The following SLFN12L variants were observed in gnomAD, a reference collection of about 807,000 sequenced individuals.
SLFN12L encodes schlafen family member 12 like.
A neutral mutation model predicts 34.8 loss-of-function variants in SLFN12L; 34 were observed. The observed-to-expected ratio is 0.98, with a 90% CI of 0.74 to 1.30. The LOEUF (loss-of-function observed/expected upper bound fraction) is 1.30, where lower values mean the gene tolerates loss of function less well. Ranked by LOEUF, SLFN12L falls within the 50% of genes most tolerant of loss-of-function variation. The pLI is 0.00. For synonymous variants in SLFN12L, 259 were observed against 247.5 expected (o/e 1.05, Z -0.44); for missense variants, 703 against 696.2 (o/e 1.01, Z -0.11).
At position 35,501,620 on chromosome 17, in the gene SLFN12L, A is replaced by G. The variant is rs778394139; in HGVS notation, c.86+20659T>C. Among the ~76,000 whole-genome samples the G allele has an allele frequency of 2.0e-5, 3 of 152,314 alleles. No homozygotes were observed. The South Asian group carries it at 6.2e-4, about 32-fold the overall frequency. ...GTGTGGTGTTTTGTCTCAAGGAAGC[A>G]TGGGTCAGGCACAAAGTAAGCCCAC... On this transcript the variant is annotated intron_variant, in intron 2 of 4. Coordinates refer to ENST00000628453, the MANE Select transcript of SLFN12L (RefSeq NM_001363830.2).
chr17:35,468,971 A>C lies in SLFN12L; in HGVS notation c.*5952T>G, dbSNP rs1913757363. 6.6e-6 allele frequency among the ~76,000 whole-genome samples: 1 copy of C among 152,092 alleles called. No individual in the cohort carries two copies. Among genetic ancestry groups the C allele is most frequent in the Non-Finnish European group, 1.5e-5 (1 of 68,010 alleles). On this transcript the variant is annotated 3_prime_UTR_variant, in exon 5 of 5. Transcript: ENST00000628453. ...GTCAAGGCTGTAATGAGCTATGACC[A>C]CACCACTGCACTCCAGCCTCGGTGA...
chr17:35,511,666 T>C lies in SLFN12L; in HGVS notation c.86+10613A>G, dbSNP rs1484143570. Among the ~76,000 whole-genome samples the C allele has an allele frequency of 2.6e-5, 4 of 152,074 alleles. 1 individual carries two copies. In the South Asian group the frequency reaches 8.3e-4, roughly 32 times the overall value. On this transcript the variant is annotated intron_variant, in intron 2 of 4. Transcript: ENST00000628453. ...CAGGAGGCTGAGGTGGAAGGATCCC[T>C]TGAGCCCAAGTATTTGACGTGGCAG...
At position 35,468,546 on chromosome 17, in the gene SLFN12L, G is replaced by A. The variant is rs945459537; in HGVS notation, c.*6377C>T. Among the ~76,000 whole-genome samples the A allele has an allele frequency of 7.2e-5, 11 of 152,106 alleles. No individual in the cohort carries two copies. The highest frequency in any genetic ancestry group is 3.9e-4 in the Admixed American group (6 of 15,266). On this transcript the variant is annotated 3_prime_UTR_variant, in exon 5 of 5. Transcript: ENST00000628453. ...GACTGCCTCTTCTCAGGCACAAACT[G>A]CACACCGAACATTTGGCCTTTTTTC...
chr17:35,476,469 G>GGAAA (rs200443737), intron 4 of SLFN12L, among the ~76,000 whole-genome samples: 3,020 of 85,304 alleles, frequency 0.035, 103 homozygotes, highest in East Asian at 0.2. Context: ...AAGGAAGGAA[G>GGAAA]GAAGGAAGGA....
At chr17:35,502,044 GGAAAGTCAAAGAGAGAGAGAGAGACA>G (rs1915312142) in intron 2 of SLFN12L, among the ~76,000 whole-genome samples, 1 of 151,446 alleles carries the variant, frequency 6.6e-6, no homozygotes. Context: ...AGAGGCAAAA[GGAAAGTCAAAGAGAGAGAGAGAGACA>G]GAAAGTCAAA....
chr17:35,482,081 C>T (rs1017226657), intron 2 of SLFN12L, among the ~76,000 whole-genome samples: 8 of 152,150 alleles, frequency 5.3e-5, no homozygotes, highest in African/African-American at 1.4e-4. Flanking sequence ...AGGCTGGTCT[C>T]GATGATGATC....
At chr17:35,500,780 A>T (rs527594068) in intron 2 of SLFN12L, among the ~76,000 whole-genome samples, 1 of 151,950 alleles carries the variant, frequency 6.6e-6, no homozygotes, top group Admixed American at 6.5e-5. Context: ...TTATCTATAG[A>T]TTCCAGACAT....
intron 1 of SLFN12L, among the ~76,000 whole-genome samples, chr17:35,536,251 T>C (rs1045002183): frequency 1.3e-5 from 2 of 152,222 alleles, no homozygotes; most frequent in African/African-American, 4.8e-5. Flanking sequence ...TGTGATAGCA[T>C]TTATTTTATA....
chr17:35,517,923 A>T (rs767132982), intron 2 of SLFN12L, among the ~76,000 whole-genome samples: 1 of 152,182 alleles, frequency 6.6e-6, no homozygotes, highest in African/African-American at 2.4e-5. Context: ...CTTAAATGTA[A>T]AACTCAAAAC....
At chr17:35,498,816 C>T in intron 2 of SLFN12L, 1 of 830,278 alleles carries the variant, frequency 1.2e-6, no homozygotes, top group Non-Finnish European at 2.0e-6. Context: ...TGATGTGCAG[C>T]CTGCCAAGAC....
chr17:35,495,528 G>C (rs1327151033), intron 2 of SLFN12L, among the ~76,000 whole-genome samples: 2 of 152,180 alleles, frequency 1.3e-5, no homozygotes, highest in Non-Finnish European at 2.9e-5. Context: ...GGCATCTCCA[G>C]GACACAGGCC....
chr17:35,495,639 G>T (rs976324386), intron 2 of SLFN12L, among the ~76,000 whole-genome samples: 27 of 151,956 alleles, frequency 1.8e-4, no homozygotes, highest in African/African-American at 5.8e-4. Context: ...GGGTTGCGGC[G>T]CTCAGAAGCT....
At chr17:35,497,313 C>T (rs1281562422) in intron 2 of SLFN12L, among the ~76,000 whole-genome samples, 1 of 152,096 alleles carries the variant, frequency 6.6e-6, no homozygotes, top group Non-Finnish European at 1.5e-5. Flanking sequence ...ATCGCTTGAA[C>T]CCGGGAGGCG....
At chr17:35,494,363 A>G (rs1450274390) in intron 2 of SLFN12L, among the ~76,000 whole-genome samples, 2 of 152,222 alleles carry the variant, frequency 1.3e-5, no homozygotes, top group Non-Finnish European at 2.9e-5. Context: ...TAAAGGATCA[A>G]TAAAATGATT....
intron 2 of SLFN12L, chr17:35,515,125 A>G: frequency 3.2e-6 from 2 of 628,802 alleles, no homozygotes; most frequent in South Asian, 2.7e-5. Context: ...GTCGAAGTAG[A>G]TGCAGTACCC....
rs527650642 is a variant in SLFN12L, at chr17:35,496,820, T to G, written c.87-16625A>C. 7.4e-4 allele frequency among the ~76,000 whole-genome samples: 113 copies of G among 152,272 alleles called. 1 individual carries two copies. The highest frequency in any genetic ancestry group is 2.7e-3 in the African/African-American group (111 of 41,542). ...AGCTCTCCAGTGATTCTTATGGCTT[T>G]GTGCAGGGAGCGGGTCACCCATTCA... On this transcript the variant is annotated intron_variant, in intron 2 of 4. Transcript: ENST00000628453.
chr17:35,489,274 C>A (rs1914735972), intron 2 of SLFN12L, among the ~76,000 whole-genome samples: 1 of 151,984 alleles, frequency 6.6e-6, no homozygotes, highest in African/African-American at 2.4e-5. Context: ...CGTTCCTATA[C>A]CGTGGCAGTG....
rs1234213239 is a variant in SLFN12L at position 35,496,547 on chromosome 17, T to A, written c.87-16352A>T. Among the ~76,000 whole-genome samples the A allele has an allele frequency of 4.1e-4, 20 of 49,176 alleles. No individual in the cohort carries two copies. In the Admixed American group the frequency reaches 5.2e-3, roughly 13 times the overall value. The allele number at this position is 49,176 out of a possible 152,430, so 32.3% of individuals were successfully genotyped here. A position where few individuals can be genotyped will look rare whatever the true frequency, so the allele number is the denominator to read the frequency against. The stretch of plus-strand genomic sequence containing the variant: ...CCTCCGGCCCCTCCTTTCCCTTCCC[T>A]CCCCTCCCCTCATGACCTCGACTCC... On this transcript the variant is annotated intron_variant, in intron 2 of 4. Transcript: ENST00000628453.
At position 35,524,366 on chromosome 17, in the gene SLFN12L, G is replaced by A. The variant is rs983340076; in HGVS notation, c.-605-1397C>T. Among the ~76,000 whole-genome samples the A allele has an allele frequency of 1.4e-4, 21 of 152,302 alleles. No homozygotes were observed. In the South Asian group the frequency reaches 2.5e-3, roughly 18 times the overall value. ...CAGCAGATCTCCTAGCACAGCGTTC[G>A]AGCTTGCTAAGGGTCAGATGGCCTC... On this transcript the variant is annotated intron_variant, in intron 1 of 4. Coordinates refer to ENST00000628453, the MANE Select transcript of SLFN12L (RefSeq NM_001363830.2).
Sources: gnomAD v4.1 joint callset for allele counts (sites outside exome capture counted in the v4.1 genomes callset) on GRCh38, gnomAD v4.1.1 for gene constraint, MANE v1.5 for transcripts, NCBI Gene and HGNC (gene_info 2026-07-23, HGNC 2026-07-21) for gene names.